Variants in INO80C observed in about 807,000 individuals in gnomAD.
The protein encoded by INO80C is IES6 homolog.
INO80C carries 17 observed loss-of-function variants against 17.7 expected under a neutral mutation model. The observed-to-expected ratio is 0.96, with a 90% CI of 0.66 to 1.44. The LOEUF (loss-of-function observed/expected upper bound fraction) is 1.44, where lower values mean the gene tolerates loss of function less well. INO80C is among the 40% of genes most tolerant of loss of function. The pLI is 0.00. For missense variants in INO80C, 244 were observed against 245.0 expected, an observed-to-expected ratio of 1.00 and a Z score of 0.03; for synonymous variants, 96 against 95.8, an observed-to-expected ratio of 1.00 and a Z score of -0.01.
chr18:35,492,607 T>G (rs1291056841), intron 1 of INO80C, among the ~76,000 whole-genome samples: 1 of 152,144 alleles, frequency 6.6e-6, no homozygotes, highest in East Asian at 1.9e-4. Context: ...TATCAGGATT[T>G]GTTGAATTTT....
At chr18:35,491,462 C>CA (rs1443037139) in intron 1 of INO80C, among the ~76,000 whole-genome samples, 1 of 152,202 alleles carries the variant, frequency 6.6e-6, no homozygotes, top group Non-Finnish European at 1.5e-5. Flanking sequence ...GAAGAGAGGG[C>CA]AGAGAAAGGA....
At position 35,497,878 on chromosome 18, in the gene INO80C, A is replaced by C. The variant is rs766383017; in HGVS notation, c.-4T>G. The C allele has an allele frequency of 2.6e-6, 4 of 1,553,028 alleles. No homozygotes were observed. The highest frequency in any genetic ancestry group is 3.5e-6 in the Non-Finnish European group (4 of 1,146,914). ...CAATTGGAATTTGCGCCGCCATCGC[A>C]CTCCGAGTCTTCCCCTGGTCCCCCC... On this transcript the variant is annotated 5_prime_UTR_variant, in exon 1 of 5. Coordinates refer to ENST00000334598, the MANE Select transcript of INO80C (RefSeq NM_194281.4).
chr18:35,484,133 A>G (rs1168815453), intron 1 of INO80C, among the ~76,000 whole-genome samples: 1 of 152,206 alleles, frequency 6.6e-6, no homozygotes, highest in Admixed American at 6.5e-5. Flanking sequence ...ATAGTTGGTA[A>G]GTTTGTTTCT....
intron 1 of INO80C, among the ~76,000 whole-genome samples, chr18:35,492,749 A>C (rs2045944580): frequency 6.6e-6 from 1 of 152,146 alleles, no homozygotes; most frequent in African/African-American, 2.4e-5. Flanking sequence ...TATCCTCCTA[A>C]AGATGCAACT....
chr18:35,489,383 C>G (rs765586139), intron 1 of INO80C: 1 of 250,850 alleles, frequency 4.0e-6, no homozygotes, highest in Non-Finnish European at 8.0e-6. Flanking sequence ...GCGAAAGGCA[C>G]GTCTTACATG....
rs1555636173 is a variant in INO80C at position 35,474,231 on chromosome 18, A to ATATATATATATATATATATATG, written c.447+4050_447+4051insCATATATATATATATATATATA. ...TCTATATATATATATATATATATAT[A>ATATATATATATATATATATATG]TATATATATATATACTTAATAACTA... On this transcript the variant is annotated intron_variant, in intron 4 of 4. Transcript: ENST00000334598. 2.2e-5 allele frequency among the ~76,000 whole-genome samples: 3 copies of ATATATATATATATATATATATG among 133,688 alleles called. 1 individual carries two copies. Among genetic ancestry groups the ATATATATATATATATATATATG allele is most frequent in the African/African-American group, 8.3e-5 (3 of 36,336 alleles). 87.7% of individuals were successfully genotyped at this position (133,688 alleles called of 152,430 possible).
Position 35,468,692 on chromosome 18 carries a change from C to T in INO80C, c.498G>A (p.Glu166=), listed in dbSNP as rs773721478. The T allele has an allele frequency of 1.2e-6, 2 of 1,614,200 alleles. No homozygotes were observed. The highest frequency in any genetic ancestry group is 1.7e-5 in the Admixed American group (1 of 60,032). Residue 166 remains glutamate, a synonymous_variant, in exon 5 of 5, where the codon GAG becomes GAA. Coordinates refer to ENST00000334598, the MANE Select transcript of INO80C (RefSeq NM_194281.4). ...AGGGCAGCCTCCGAATGTAGGAAAACTCTTCAATGGTGCTGAACCGCAGTT... is the reference window on the plus strand; with the variant it reads ...AGGGCAGCCTCCGAATGTAGGAAAATTCTTCAATGGTGCTGAACCGCAGTT... ...QSKLRFSTIE[E]FSYIRRLPSD...
At chr18:35,490,769 T>C (rs2045926089) in intron 1 of INO80C, among the ~76,000 whole-genome samples, 1 of 151,808 alleles carries the variant, frequency 6.6e-6, no homozygotes, top group African/African-American at 2.4e-5. Context: ...TTTGTTGTTG[T>C]TGTTGAGATA....
chr18:35,477,292 A>C (rs972387073), intron 4 of INO80C, among the ~76,000 whole-genome samples: 1 of 137,950 alleles, frequency 7.2e-6, no homozygotes, highest in African/African-American at 2.5e-5. Context: ...CACATGAACG[A>C]AAGAAAGCTG....
intron 1 of INO80C, among the ~76,000 whole-genome samples, chr18:35,494,865 A>C (rs1250047211): frequency 1.3e-5 from 2 of 152,232 alleles, no homozygotes; most frequent in African/African-American, 2.4e-5. Context: ...TATATACGTC[A>C]TTCTCTCCTG....
At chr18:35,483,229 C>A (rs73414879) in intron 1 of INO80C, among the ~76,000 whole-genome samples, 36,339 of 151,818 alleles carry the variant, frequency 0.24, 4,571 homozygotes, top group Middle Eastern at 0.34. Context: ...CCTTTATAGT[C>A]ATCATATTTC....
At chr18:35,485,548 A>G (rs2045863273) in intron 1 of INO80C, among the ~76,000 whole-genome samples, 1 of 152,154 alleles carries the variant, frequency 6.6e-6, no homozygotes, top group Non-Finnish European at 1.5e-5. Flanking sequence ...ACAATAACAC[A>G]TATTGGCAAA....
chr18:35,496,033 C>A (rs893066494), intron 1 of INO80C, among the ~76,000 whole-genome samples: 1 of 152,142 alleles, frequency 6.6e-6, no homozygotes, highest in African/African-American at 2.4e-5. Context: ...TTGAGGATTT[C>A]GAGCAACTGG....
chr18:35,494,574 C>G (rs2045961607), intron 1 of INO80C, among the ~76,000 whole-genome samples: 1 of 152,194 alleles, frequency 6.6e-6, no homozygotes. Flanking sequence ...AGCTGACAGC[C>G]AGCAAGAAGA....
intron 1 of INO80C, among the ~76,000 whole-genome samples, chr18:35,484,328 CAT>C (rs2045847821): frequency 6.6e-6 from 1 of 152,130 alleles, no homozygotes; most frequent in African/African-American, 2.4e-5. Context: ...TACAGAAATA[CAT>C]AGAGAGGTGT....
Position 35,468,717 on chromosome 18 carries a change from T to C in INO80C, c.473A>G (p.Lys158Arg), listed in dbSNP as rs753750591. The C allele has an allele frequency of 8.7e-6, 14 of 1,613,956 alleles. No homozygotes were observed. The highest frequency in any genetic ancestry group is 5.0e-5 in the Admixed American group (3 of 59,994). Residue 158 changes from lysine (K) to arginine (R), a missense_variant, in exon 5 of 5, where the codon AAA (lysine) becomes AGA (arginine). Physicochemically the swap from Lys to Arg is conservative, Grantham distance 26. Transcript: ENST00000334598. Reference sequence around the variant, plus strand: ...CTCTTCAATGGTGCTGAACCGCAGTTTGCTCTGGGGGTCTGTGTAGTTGGC... The same window carrying C: ...CTCTTCAATGGTGCTGAACCGCAGTCTGCTCTGGGGGTCTGTGTAGTTGGC... Reference protein sequence around the residue: ...LLANYTDPQSKLRFSTIEEFS... With the variant: ...LLANYTDPQSRLRFSTIEEFS...
At chr18:35,482,146 A>G (rs1567983761) in intron 1 of INO80C, among the ~76,000 whole-genome samples, 1 of 152,184 alleles carries the variant, frequency 6.6e-6, no homozygotes, top group Non-Finnish European at 1.5e-5. Context: ...TGTATGTTTA[A>G]CTTTACAAGT....
intron 1 of INO80C, among the ~76,000 whole-genome samples, chr18:35,495,439 G>A (rs2045971488): frequency 6.6e-6 from 1 of 152,158 alleles, no homozygotes; most frequent in Admixed American, 6.5e-5. Context: ...GTTGGGAAAA[G>A]GAGAGTCAGG....
rs73946591 is a variant in INO80C, at chr18:35,482,268, T to C, written c.157-1705A>G. On this transcript the variant is annotated intron_variant, in intron 1 of 4. Coordinates refer to ENST00000334598, the MANE Select transcript of INO80C (RefSeq NM_194281.4). Reference sequence around the variant, plus strand: ...GGAAGACACTACATGATTAACTAAATCACAGCTTATCTACTCTCAGCTGGA... The same window carrying C: ...GGAAGACACTACATGATTAACTAAACCACAGCTTATCTACTCTCAGCTGGA... Among the ~76,000 whole-genome samples, 647 of 152,322 alleles carry C rather than the reference T, an allele frequency of 4.2e-3. 5 individuals carry two copies. The highest frequency in any genetic ancestry group is 0.015 in the African/African-American group (630 of 41,582).
Sources: allele counts gnomAD v4.1 joint callset (sites outside exome capture counted in the v4.1 genomes callset), GRCh38; gene constraint gnomAD v4.1.1; transcripts MANE v1.5; gene names NCBI Gene and HGNC (gene_info 2026-07-23, HGNC 2026-07-21).